Variants in SORCS1 observed in about 807,000 individuals in gnomAD.
The protein encoded by SORCS1 is VPS10 domain-containing receptor SorCS1.
Under a neutral mutation model 146.1 loss-of-function variants are expected in SORCS1, and 60 were observed. That is an observed-to-expected ratio of 0.41 (90% CI 0.33 to 0.51). The LOEUF (loss-of-function observed/expected upper bound fraction) is 0.51. SORCS1 is among the 20% of genes least tolerant of loss of function. The probability of loss-of-function intolerance (pLI) is 0.21; values close to 1 mark genes in which losing one functional copy is unlikely to be tolerated. For synonymous variants in SORCS1, 637 were observed against 584.0 expected (o/e 1.09, Z -1.31); for missense variants, 1,352 against 1,487.6 (o/e 0.91, Z 1.50).
chr10:106,588,997 G>T (rs1033749013), intron 24 of SORCS1, among the ~76,000 whole-genome samples: 1 of 150,924 alleles, frequency 6.6e-6, no homozygotes, highest in Non-Finnish European at 1.5e-5. Flanking sequence ...GTAAAGTCAC[G>T]TTTGAGAACA....
At chr10:106,949,486 A>G (rs1954561993) in intron 2 of SORCS1, among the ~76,000 whole-genome samples, 1 of 152,144 alleles carries the variant, frequency 6.6e-6, no homozygotes, top group Non-Finnish European at 1.5e-5. Flanking sequence ...CAGAGAGCAC[A>G]GGCTGCCCTC....
At chr10:107,001,550 G>A (rs1025104877) in intron 1 of SORCS1, among the ~76,000 whole-genome samples, 8 of 152,112 alleles carry the variant, frequency 5.3e-5, no homozygotes, top group Non-Finnish European at 8.8e-5. Context: ...AGCAACCTCC[G>A]TCTCCCGGGT....
chr10:106,819,278 T>C (rs979954351), intron 3 of SORCS1, among the ~76,000 whole-genome samples: 6 of 152,212 alleles, frequency 3.9e-5, no homozygotes, highest in African/African-American at 1.4e-4. Flanking sequence ...TGCAGGGGTT[T>C]ACAACAAATA....
chr10:107,162,055 A>C (rs187475327), intron 1 of SORCS1, among the ~76,000 whole-genome samples: 6 of 152,334 alleles, frequency 3.9e-5, no homozygotes, highest in Admixed American at 3.3e-4. Context: ...AATAAGCCCT[A>C]CTAGAATTAT....
intron 2 of SORCS1, among the ~76,000 whole-genome samples, chr10:106,856,574 C>G (rs1174974608): frequency 6.6e-6 from 1 of 152,192 alleles, no homozygotes; most frequent in African/African-American, 2.4e-5. Flanking sequence ...ACAGAATGCT[C>G]TGGCGTATTT....
intron 2 of SORCS1, among the ~76,000 whole-genome samples, chr10:106,881,431 A>T (rs1401417620): frequency 6.6e-6 from 1 of 152,208 alleles, no homozygotes; most frequent in East Asian, 1.9e-4. Flanking sequence ...AAAGGTGACA[A>T]ATATATTCCA....
chr10:106,800,203 CA>C (rs1000031284), intron 3 of SORCS1, among the ~76,000 whole-genome samples: 26 of 151,790 alleles, frequency 1.7e-4, no homozygotes, highest in African/African-American at 5.8e-4. Context: ...ACCTCTCAAG[CA>C]AAAAATAATA....
chr10:106,659,724 C>T (rs1186429391), intron 17 of SORCS1, among the ~76,000 whole-genome samples: 1 of 152,086 alleles, frequency 6.6e-6, no homozygotes, highest in South Asian at 2.1e-4. Context: ...TACCATAGCA[C>T]CAGGATAAGA....
chr10:106,897,802 G>A (rs1007841264), intron 2 of SORCS1, among the ~76,000 whole-genome samples: 14 of 152,270 alleles, frequency 9.2e-5, no homozygotes, highest in African/African-American at 3.1e-4. Flanking sequence ...TGTAACCAAC[G>A]CTTAGTCAAT....
At chr10:107,037,870 A>G (rs1190866654) in intron 1 of SORCS1, among the ~76,000 whole-genome samples, 1 of 152,200 alleles carries the variant, frequency 6.6e-6, no homozygotes, top group African/African-American at 2.4e-5. Context: ...TCTGTTGCCA[A>G]GGCTGGAGTG....
intron 4 of SORCS1, among the ~76,000 whole-genome samples, chr10:106,768,502 G>A (rs1333968077): frequency 6.6e-6 from 1 of 152,034 alleles, no homozygotes; most frequent in African/African-American, 2.4e-5. Context: ...GACATTAAGG[G>A]GCTGCTAGGT....
At chr10:106,782,802 C>T (rs1464441026) in intron 3 of SORCS1, among the ~76,000 whole-genome samples, 2 of 152,178 alleles carry the variant, frequency 1.3e-5, no homozygotes, top group Non-Finnish European at 2.9e-5. Context: ...AAATATATGT[C>T]CACGTATATA....
At chr10:107,036,799 T>G (rs1211158099) in intron 1 of SORCS1, among the ~76,000 whole-genome samples, 1 of 152,152 alleles carries the variant, frequency 6.6e-6, no homozygotes, top group Non-Finnish European at 1.5e-5. Flanking sequence ...ACCACCCAAC[T>G]CTCATTTGAG....
intron 15 of SORCS1, 61 bp downstream of exon 15, chr10:106,672,806 CT>C (rs1373555802): frequency 7.7e-6 from 11 of 1,419,908 alleles, no homozygotes; most frequent in Non-Finnish European, 9.9e-6. Flanking sequence ...TAGCAACTAG[CT>C]TTCCCCCAAC....
At chr10:107,111,182 ACAC>A (rs1003904433) in intron 1 of SORCS1, among the ~76,000 whole-genome samples, 2 of 152,212 alleles carry the variant, frequency 1.3e-5, no homozygotes, top group African/African-American at 4.8e-5. Context: ...GGCAAACATG[ACAC>A]CACCAAAGGA....
In SORCS1 at chr10:107,142,616, T is replaced by C. The variant is rs543624966; in HGVS notation, c.558+21353A>G. On this transcript the variant is annotated intron_variant, in intron 1 of 25. Coordinates refer to ENST00000263054, the MANE Select transcript of SORCS1 (RefSeq NM_052918.5). ...ACTGGTCTATATTAAAATGTCTTAG[T>C]ATGGCTCAAATGCATACTTTCTATT... Among the ~76,000 whole-genome samples, 4 of 152,360 alleles carry C rather than the reference T, an allele frequency of 2.6e-5. No individual in the cohort carries two copies. In the South Asian group the frequency reaches 8.3e-4, roughly 32 times the overall value.
intron 1 of SORCS1, among the ~76,000 whole-genome samples, chr10:107,056,262 C>G (rs1313602381): frequency 6.6e-6 from 1 of 152,140 alleles, no homozygotes; most frequent in Non-Finnish European, 1.5e-5. Flanking sequence ...GGGCAGGACT[C>G]TAGAGATTCT....
chr10:106,577,681 G>A (rs1280797617), intron 25 of SORCS1, 126 bp from the exon 26 acceptor site: 1 of 1,487,810 alleles, frequency 6.7e-7, no homozygotes, highest in Non-Finnish European at 8.9e-7. Context: ...AAAGCAAACA[G>A]AGGCTGTGCT....
intron 18 of SORCS1, among the ~76,000 whole-genome samples, chr10:106,631,797 C>A (rs971269085): frequency 6.6e-6 from 1 of 152,292 alleles, no homozygotes; most frequent in Admixed American, 6.5e-5. Flanking sequence ...GTCTACCTTG[C>A]CTTGCCCTTT....
Sources: allele counts gnomAD v4.1 joint callset (sites outside exome capture counted in the v4.1 genomes callset), GRCh38; gene constraint gnomAD v4.1.1; transcripts MANE v1.5; gene names NCBI Gene and HGNC (gene_info 2026-07-23, HGNC 2026-07-21).